TONSL: variants seen among roughly 807,000 people sequenced by gnomAD.
The protein encoded by TONSL is tonsoku like, DNA repair protein.
In TONSL, 112 loss-of-function variants were observed where a neutral mutation model predicts 147.1. The ratio of observed to expected loss-of-function variants is 0.76; its 90% confidence interval spans 0.65 to 0.89. The LOEUF is 0.89. TONSL is among the 40% of genes least tolerant of loss of function. The pLI, the probability that TONSL is intolerant of heterozygous loss-of-function variation, is 0.00. For synonymous variants in TONSL, 868 were observed against 801.5 expected, an observed-to-expected ratio of 1.08 and a Z score of -1.40; for missense variants, 1,883 against 1,864.6, an observed-to-expected ratio of 1.01 and a Z score of -0.18.
intron 13 of TONSL, chr8:144,437,836 C>T (rs2129657631): frequency 1.9e-5 from 3 of 155,836 alleles, no homozygotes; most frequent in Admixed American, 1.2e-4. Flanking sequence ...AAACTCCTGA[C>T]CTCAGGCAAT....
Position 144,428,932 on chromosome 8 carries a change from G to T in TONSL, c.*211C>A. On this transcript the variant is annotated 3_prime_UTR_variant, in exon 26 of 26. Coordinates refer to ENST00000409379, the MANE Select transcript of TONSL (RefSeq NM_013432.5). ...AGCCTCCGGAGTAGCTGGGACTACA[G>T]GCTTCCACCACCACGCCCGGCTAAT... The T allele has an allele frequency of 1.9e-6, 1 of 513,584 alleles. No individual in the cohort carries two copies. Among genetic ancestry groups the T allele is most frequent in the African/African-American group, 2.0e-5 (1 of 49,472 alleles). 31.8% of individuals were successfully genotyped at this position (513,584 alleles called of 1,614,324 possible).
At position 144,440,768 on chromosome 8, in the gene TONSL, C is replaced by T. The variant is rs149456513; in HGVS notation, c.1114G>A (p.Val372Met). Reference sequence around the variant, plus strand: ...CTCAGTTCCTCCTCATAGTGGCGCACGGCCCCATGGTGGTCCTTCATGTCT... The same window carrying T: ...CTCAGTTCCTCCTCATAGTGGCGCATGGCCCCATGGTGGTCCTTCATGTCT... The part of the protein sequence containing the change: ...LGDMKDHHGA[V>M]RHYEEELRLR... Residue 372 changes from valine (V) to methionine (M), a missense_variant, in exon 9 of 26, where the codon GTG (valine) becomes ATG (methionine). Transcript: ENST00000409379. The T allele has an allele frequency of 1.3e-5, 21 of 1,612,902 alleles. No homozygotes were observed. Among genetic ancestry groups the T allele is most frequent in the Middle Eastern group, 1.7e-4 (1 of 6,060 alleles).
Position 144,439,903 on chromosome 8 carries a change from G to A in TONSL, c.1480+118C>T, listed in dbSNP as rs1224034992. 8 of 616,962 alleles carry A rather than the reference G, an allele frequency of 1.3e-5. No individual in the cohort carries two copies. In the Admixed American group the frequency reaches 2.5e-4, roughly 19 times the overall value. The allele number at this position is 616,962 out of a possible 1,614,324, so 38.2% of individuals were successfully genotyped here. A position where few individuals can be genotyped will look rare whatever the true frequency, so the allele number is the denominator to read the frequency against. The stretch of plus-strand genomic sequence containing the variant: ...GTTCCGGGAAAGCACTGGCCGTCCT[G>A]CCTGCCTGTGGCTGTTCCTGCTACA... On this transcript the variant is annotated intron_variant, in intron 11 of 25. Coordinates refer to ENST00000409379, the MANE Select transcript of TONSL (RefSeq NM_013432.5).
intron 25 of TONSL, among the ~76,000 whole-genome samples, chr8:144,429,785 G>A (rs1205893596): frequency 6.6e-6 from 1 of 152,142 alleles, no homozygotes; most frequent in Non-Finnish European, 1.5e-5. Flanking sequence ...TGGAAAAGGC[G>A]GCCTGGCCCT....
chr8:144,433,742 G>A lies in TONSL; in HGVS notation c.3405C>T (p.Asp1135=). The A allele has an allele frequency of 1.3e-6, 2 of 1,588,374 alleles. No individual in the cohort carries two copies. The highest frequency in any genetic ancestry group is 2.2e-5 in the East Asian group (1 of 44,610). The change falls in exon 22 of 26, where the codon GAC becomes GAT. Residue 1135 remains aspartate, a synonymous_variant. Transcript: ENST00000409379. Reference sequence around the variant, plus strand: ...CGTCCCCCAGGGGGTTCATGCTTAAGTCCAGCTCCTCCAAACTCTGTGGAA... The same window carrying A: ...CGTCCCCCAGGGGGTTCATGCTTAAATCCAGCTCCTCCAAACTCTGTGGAA... ...QATLQSLEEL[D]LSMNPLGDGC...
chr8:144,441,899 C>T (rs1211933546), intron 7 of TONSL, 138 bp downstream of exon 7: 2 of 664,030 alleles, frequency 3.0e-6, no homozygotes, highest in African/African-American at 3.7e-5. Flanking sequence ...CTTGCTGAAG[C>T]TGCTGCCTCC....
In TONSL at chr8:144,436,771, G is replaced by A. The variant is rs1564730855; in HGVS notation, c.1876C>T (p.Leu626Phe). ...LLLERGASVT[L>F]RTRKGLSPLE... ...ACCAGGCTCACCTTTCGAGTGCGGA[G>A]GGTGACGGACGCCCCCCGTTCAAGC... Residue 626 changes from leucine (L) to phenylalanine (F), a missense_variant, in exon 15 of 26, where the codon CTC (leucine) becomes TTC (phenylalanine). Transcript: ENST00000409379. 5.0e-6 allele frequency: 8 copies of A among 1,611,164 alleles called. No homozygotes were observed. The highest frequency in any genetic ancestry group is 6.8e-6 in the Non-Finnish European group (8 of 1,179,690).
At chr8:144,441,299 T>A in intron 7 of TONSL, 188 bp from the exon 8 acceptor site, 1 of 843,030 alleles carries the variant, frequency 1.2e-6, no homozygotes, top group Non-Finnish European at 1.8e-6. Context: ...ACTAACACAC[T>A]TAAAAACTCG....
chr8:144,432,285 CT>C lies in TONSL; in HGVS notation c.3734del (p.Lys1245ArgfsTer6). On this transcript the variant is annotated frameshift_variant and splice_region_variant, in exon 23 of 26. Transcript: ENST00000409379. LOFTEE classifies it high-confidence loss of function. ...LMEPVFRYLA[K>X]EGCALAHLTL... ...TTCTGGGTTCTTCCCCACCTCGTACCTTGGCCAGGTATCGGAATACAGGCTC... is the reference window on the plus strand; with the variant it reads ...TTCTGGGTTCTTCCCCACCTCGTACCTGGCCAGGTATCGGAATACAGGCTC... 6.2e-7 allele frequency: 1 copy of C among 1,613,568 alleles called. No homozygotes were observed. The highest frequency in any genetic ancestry group is 8.5e-7 in the Non-Finnish European group (1 of 1,179,840).
chr8:144,438,120 C>T (rs928414136), intron 13 of TONSL: 5 of 303,276 alleles, frequency 1.6e-5, no homozygotes, highest in Admixed American at 8.9e-5. Flanking sequence ...AGGCTGGTCT[C>T]GAACTCCTGG....
Position 144,434,421 on chromosome 8 carries a change from G to A in TONSL, c.3086-142C>T. On this transcript the variant is annotated intron_variant, in intron 20 of 25. Transcript: ENST00000409379. ...CTGTAGAGCCCACTCGCACATGCCT[G>A]TGGGTCTAGCACTGTGAGGCCCTGG... 4.0e-6 allele frequency: 3 copies of A among 755,106 alleles called. No homozygotes were observed. The Admixed American group carries it at 9.9e-5, about 25-fold the overall frequency. 46.8% of individuals were successfully genotyped at this position (755,106 alleles called of 1,614,324 possible).
At position 144,436,766 on chromosome 8, in the gene TONSL, G is replaced by A. The variant is rs561334806; in HGVS notation, c.1881C>T (p.Arg627=). The A allele has an allele frequency of 6.9e-5, 111 of 1,611,048 alleles. No individual in the cohort carries two copies. The East Asian group carries it at 2.0e-3, about 28-fold the overall frequency. The part of the protein sequence containing the change: ...LLERGASVTL[R]TRKGLSPLET... Reference sequence around the variant, plus strand: ...GCCCCACCAGGCTCACCTTTCGAGTGCGGAGGGTGACGGACGCCCCCCGTT... The same window carrying A: ...GCCCCACCAGGCTCACCTTTCGAGTACGGAGGGTGACGGACGCCCCCCGTT... Residue 627 remains arginine, a synonymous_variant, in exon 15 of 26, where the codon CGC becomes CGT. Coordinates refer to ENST00000409379, the MANE Select transcript of TONSL (RefSeq NM_013432.5).
Position 144,440,043 on chromosome 8 carries a change from G to T in TONSL, c.1458C>A (p.Gly486=). The T allele has an allele frequency of 2.1e-6, 3 of 1,424,174 alleles. No homozygotes were observed. The highest frequency in any genetic ancestry group is 3.0e-6 in the Non-Finnish European group (3 of 1,008,732). 88.2% of individuals were successfully genotyped at this position (1,424,174 alleles called of 1,614,324 possible). ...ATAESEALEA[G]EVELSEGEDD... is the part of the protein sequence containing the mutation. ...CACCGCCCTCTGAGAGCTCCACCTC[G>T]CCGGCCTCCAGGGCTTCGCTCTCCG... The change falls in exon 11 of 26, where the codon GGC becomes GGA. Residue 486 remains glycine, a synonymous_variant. Coordinates refer to ENST00000409379, the MANE Select transcript of TONSL (RefSeq NM_013432.5).
chr8:144,440,043 G>A lies in TONSL; in HGVS notation c.1458C>T (p.Gly486=), dbSNP rs139005733. 475 of 1,424,174 alleles carry A rather than the reference G, an allele frequency of 3.3e-4. 5 individuals are homozygous for A. In the African/African-American group the frequency reaches 6.1e-3, roughly 18 times the overall value. 88.2% of individuals were successfully genotyped at this position (1,424,174 alleles called of 1,614,324 possible). ...ATAESEALEA[G]EVELSEGEDD... ...CACCGCCCTCTGAGAGCTCCACCTCGCCGGCCTCCAGGGCTTCGCTCTCCG... is the reference window on the plus strand; with the variant it reads ...CACCGCCCTCTGAGAGCTCCACCTCACCGGCCTCCAGGGCTTCGCTCTCCG... The change falls in exon 11 of 26, where the codon GGC becomes GGT. Residue 486 remains glycine, a synonymous_variant. Transcript: ENST00000409379.
chr8:144,437,168 T>C, intron 13 of TONSL, 69 bp from the exon 14 acceptor site: 1 of 1,501,894 alleles, frequency 6.7e-7, no homozygotes, highest in Non-Finnish European at 9.2e-7. Context: ...CCGTGAGCTC[T>C]GCAGCCTAAG....
Position 144,428,971 on chromosome 8 carries a change from A to T in TONSL, c.*172T>A. On this transcript the variant is annotated 3_prime_UTR_variant, in exon 26 of 26. Transcript: ENST00000409379. ...CGCCCGGCTAATTTTTGGTATTTTT[A>T]GTAGAGACGGGGTTTCACCATGTTA... The T allele has an allele frequency of 1.4e-6, 1 of 711,648 alleles. No individual in the cohort carries two copies. Among genetic ancestry groups the T allele is most frequent in the Non-Finnish European group, 2.1e-6 (1 of 471,566 alleles). The allele number at this position is 711,648 out of a possible 1,614,324, so 44.1% of individuals were successfully genotyped here.
Position 144,434,805 on chromosome 8 carries a change from C to G in TONSL, c.3085+6G>C, listed in dbSNP as rs750174732. The G allele has an allele frequency of 1.2e-5, 20 of 1,613,134 alleles. No individual in the cohort carries two copies. The African/African-American group carries it at 2.4e-4, about 19-fold the overall frequency. On this transcript the variant is annotated splice_donor_region_variant and intron_variant, in intron 20 of 25. Coordinates refer to ENST00000409379, the MANE Select transcript of TONSL (RefSeq NM_013432.5). ...ACCCAGAAACTGCAGCTCTCCTGGC[C>G]CTCACCTTGCCCCAGGCTCTGGCAG...
Position 144,433,613 on chromosome 8 carries a change from C to T in TONSL, c.3534G>A (p.Gln1178=). The stretch of plus-strand genomic sequence containing the variant: ...CTTGGAAAGCACTACCCAGTGCTGT[C>T]TGGTGGCTCAGAAAGAAGCTGGGGC... The part of the protein sequence containing the change: ...GFGPSFFLSH[Q]TALGSAFQDA... Residue 1178 remains glutamine, a synonymous_variant, in exon 22 of 26, where the codon CAG becomes CAA. Transcript: ENST00000409379. 6.2e-7 allele frequency: 1 copy of T among 1,613,524 alleles called. No individual in the cohort carries two copies. The highest frequency in any genetic ancestry group is 8.5e-7 in the Non-Finnish European group (1 of 1,179,972).
chr8:144,431,413 G>A (rs574747041), intron 23 of TONSL, among the ~76,000 whole-genome samples: 61 of 151,778 alleles, frequency 4.0e-4, no homozygotes, highest in African/African-American at 1.2e-3. Flanking sequence ...CCTTCCTGGC[G>A]GGGGGCAAGA....
Sources: allele counts gnomAD v4.1 joint callset (sites outside exome capture counted in the v4.1 genomes callset), GRCh38; gene constraint gnomAD v4.1.1; transcripts MANE v1.5; gene names NCBI Gene and HGNC (gene_info 2026-07-23, HGNC 2026-07-21).